The following ZNF385D variants were observed in gnomAD, a reference collection of about 807,000 sequenced individuals.
ZNF385D encodes the protein zinc finger protein 385D, also known as zinc finger protein 659.
In ZNF385D, 15 loss-of-function variants were observed where a neutral mutation model predicts 35.8. The ratio of observed to expected loss-of-function variants is 0.42; its 90% CI spans 0.28 to 0.64. The LOEUF (loss-of-function observed/expected upper bound fraction) is 0.64. ZNF385D is among the 30% of genes least tolerant of loss of function. ZNF385D has a pLI of 0.23. For missense variants in ZNF385D, 474 were observed against 494.6 expected, an observed-to-expected ratio of 0.96 and a Z score of 0.39; for synonymous variants, 212 against 186.8, an observed-to-expected ratio of 1.13 and a Z score of -1.10.
Position 21,612,243 on chromosome 3 carries a change from C to A in ZNF385D, c.166-47559G>T, listed in dbSNP as rs529522630. 2.0e-4 allele frequency among the ~76,000 whole-genome samples: 31 copies of A among 152,194 alleles called. No homozygotes were observed. In the East Asian group the frequency reaches 5.8e-3, roughly 28 times the overall value. On this transcript the variant is annotated intron_variant, in intron 2 of 7. Coordinates refer to ENST00000281523, the MANE Select transcript of ZNF385D (RefSeq NM_024697.3). Reference sequence around the variant, plus strand: ...GGGATGACAGGCACACACCACCATGCCCCGCTAATTTTTTTTATTTTTTGT... The same window carrying A: ...GGGATGACAGGCACACACCACCATGACCCGCTAATTTTTTTTATTTTTTGT...
intron 3 of ZNF385D, among the ~76,000 whole-genome samples, chr3:21,837,870 C>CAAAAAAA (rs57424579): frequency 1.4e-5 from 2 of 138,914 alleles, no homozygotes; most frequent in African/African-American, 2.7e-5. Context: ...GACTCCATCT[C>CAAAAAAA]AAAAAAAAAA....
intron 2 of ZNF385D, among the ~76,000 whole-genome samples, chr3:21,649,191 A>G (rs1389216908): frequency 6.6e-6 from 1 of 152,204 alleles, no homozygotes; most frequent in Non-Finnish European, 1.5e-5. Flanking sequence ...CAATAATATG[A>G]ATAATAATAG....
At chr3:21,843,033 T>A (rs566510122) in intron 3 of ZNF385D, among the ~76,000 whole-genome samples, 1 of 152,178 alleles carries the variant, frequency 6.6e-6, no homozygotes, top group South Asian at 2.1e-4. Context: ...TAGTTTAGCA[T>A]AAAAGCTTTT....
chr3:21,890,607 A>G (rs1698800702), intron 3 of ZNF385D, among the ~76,000 whole-genome samples: 1 of 152,184 alleles, frequency 6.6e-6, no homozygotes, highest in Non-Finnish European at 1.5e-5. Flanking sequence ...TGACAGAGTG[A>G]GACTCCGTCT....
At chr3:21,514,973 T>G (rs1379750784) in intron 3 of ZNF385D, among the ~76,000 whole-genome samples, 1 of 152,174 alleles carries the variant, frequency 6.6e-6, no homozygotes, top group Non-Finnish European at 1.5e-5. Context: ...ATTAAAGATA[T>G]GCACACACGC....
At chr3:22,011,044 G>C (rs577914095) in intron 3 of ZNF385D, among the ~76,000 whole-genome samples, 1 of 151,954 alleles carries the variant, frequency 6.6e-6, no homozygotes, top group East Asian at 1.9e-4. Context: ...ACTCATTAAA[G>C]ACATGATACA....
At chr3:22,180,429 A>C (rs542648716) in intron 2 of ZNF385D, among the ~76,000 whole-genome samples, 1 of 152,232 alleles carries the variant, frequency 6.6e-6, no homozygotes, top group African/African-American at 2.4e-5. Context: ...TCCCTAACTC[A>C]TTTTATGAGG....
chr3:21,914,079 T>C (rs1575901060), intron 3 of ZNF385D, among the ~76,000 whole-genome samples: 1 of 152,030 alleles, frequency 6.6e-6, no homozygotes, highest in South Asian at 2.1e-4. Flanking sequence ...TTGTGCTTTG[T>C]CCATTCACAG....
chr3:21,767,378 CT>C (rs10716285), intron 3 of ZNF385D, among the ~76,000 whole-genome samples: 67,003 of 151,584 alleles, frequency 0.44, 14,861 homozygotes, highest in African/African-American at 0.46. Context: ...TTTACTCATT[CT>C]TTTTTTTCCA....
intron 2 of ZNF385D, among the ~76,000 whole-genome samples, chr3:22,219,510 A>C (rs761291562): frequency 5.3e-5 from 8 of 152,126 alleles, no homozygotes; most frequent in Non-Finnish European, 1.0e-4. Flanking sequence ...AAGCTGTTTT[A>C]TCTTTTAAGA....
chr3:22,137,252 G>A (rs1083732), intron 3 of ZNF385D, among the ~76,000 whole-genome samples: 5 of 152,132 alleles, frequency 3.3e-5, no homozygotes, highest in African/African-American at 9.7e-5. Context: ...ACAAGGAGGA[G>A]CTGGTACCAT....
chr3:22,046,591 T>C (rs1186205681), intron 3 of ZNF385D, among the ~76,000 whole-genome samples: 1 of 152,168 alleles, frequency 6.6e-6, no homozygotes, highest in Non-Finnish European at 1.5e-5. Context: ...GCATCATTTT[T>C]TTCCTTTCAT....
At chr3:21,481,175 T>G (rs1559333268) in intron 4 of ZNF385D, among the ~76,000 whole-genome samples, 4 of 152,212 alleles carry the variant, frequency 2.6e-5, no homozygotes, top group Non-Finnish European at 4.4e-5. Context: ...CTAGACAGAA[T>G]TTTAATATAT....
At chr3:22,151,482 G>C (rs1161860729) in intron 3 of ZNF385D, among the ~76,000 whole-genome samples, 1 of 152,102 alleles carries the variant, frequency 6.6e-6, no homozygotes, top group Non-Finnish European at 1.5e-5. Context: ...TGTGTACATT[G>C]AAGTTCCAAA....
chr3:21,865,724 G>C (rs960197202), intron 3 of ZNF385D, among the ~76,000 whole-genome samples: 1 of 152,086 alleles, frequency 6.6e-6, no homozygotes, highest in Non-Finnish European at 1.5e-5. Flanking sequence ...TACACAAACA[G>C]AATTTTGTTC....
intron 1 of ZNF385D, among the ~76,000 whole-genome samples, chr3:21,748,926 T>A (rs1482653044): frequency 2.7e-5 from 4 of 149,072 alleles, no homozygotes; most frequent in Non-Finnish European, 3.0e-5. Context: ...GTACCACACA[T>A]TTTTTTTTTA....
At chr3:22,060,218 A>C (rs1300924076) in intron 3 of ZNF385D, among the ~76,000 whole-genome samples, 1 of 152,138 alleles carries the variant, frequency 6.6e-6, no homozygotes, top group African/African-American at 2.4e-5. Flanking sequence ...CAGATTTTGG[A>C]TCTTGTCAGC....
intron 3 of ZNF385D, among the ~76,000 whole-genome samples, chr3:21,839,229 A>G (rs1298061195): frequency 6.6e-6 from 1 of 151,960 alleles, no homozygotes; most frequent in Non-Finnish European, 1.5e-5. Context: ...TTTTTTTAGT[A>G]TCATCACATA....
chr3:21,563,739 C>T (rs1445070903), intron 3 of ZNF385D, among the ~76,000 whole-genome samples: 1 of 152,114 alleles, frequency 6.6e-6, no homozygotes, highest in Admixed American at 6.6e-5. Flanking sequence ...CTTCTGTTTG[C>T]CTAGAGTGTG....
Sources: allele counts gnomAD v4.1 joint callset (sites outside exome capture counted in the v4.1 genomes callset), GRCh38; gene constraint gnomAD v4.1.1; transcripts MANE v1.5; gene names NCBI Gene and HGNC (gene_info 2026-07-23, HGNC 2026-07-21).